HPSE2: variants seen among roughly 807,000 people sequenced by gnomAD.
HPSE2 encodes the protein inactive heparanase-2.
Under a neutral mutation model 60.5 loss-of-function variants are expected in HPSE2, and 38 were observed. The ratio of observed to expected loss-of-function variants is 0.63; its 90% CI spans 0.48 to 0.82. The LOEUF (loss-of-function observed/expected upper bound fraction) is 0.82, where lower values mean the gene tolerates loss of function less well. Ranked by LOEUF, HPSE2 falls within the 40% of genes least tolerant of loss-of-function variation. The pLI is 0.00. For missense variants in HPSE2, 713 were observed against 740.4 expected, an observed-to-expected ratio of 0.96 and a Z score of 0.43; for synonymous variants, 295 against 293.2, an observed-to-expected ratio of 1.01 and a Z score of -0.06.
intron 6 of HPSE2, among the ~76,000 whole-genome samples, chr10:98,673,435 C>T (rs1003617689): frequency 7.2e-5 from 11 of 152,198 alleles, no homozygotes; most frequent in African/African-American, 2.4e-4. Context: ...CATGGTCTGC[C>T]TTTCCCCATT....
rs190993891 is a variant in HPSE2 at position 98,948,441 on chromosome 10, C to A, written c.610+195797G>T. On this transcript the variant is annotated intron_variant, in intron 3 of 11. Transcript: ENST00000370552. ...AACCAATGCCAGATGATGAGAAAGA[C>A]GAAGGGGAAGAAGCAATGCCAGAAA... Among the ~76,000 whole-genome samples, 10 of 152,134 alleles carry A rather than the reference C, an allele frequency of 6.6e-5. 1 individual carries two copies. In the East Asian group the frequency reaches 1.9e-3, roughly 29 times the overall value.
intron 4 of HPSE2, among the ~76,000 whole-genome samples, chr10:98,734,888 TACACACAC>T (rs140139802): frequency 2.7e-5 from 4 of 148,230 alleles, no homozygotes; most frequent in African/African-American, 5.0e-5. Context: ...ATTTGTCCCT[TACACACAC>T]ACACACACAC....
At chr10:98,543,172 T>G (rs1241933273) in intron 9 of HPSE2, among the ~76,000 whole-genome samples, 1 of 152,132 alleles carries the variant, frequency 6.6e-6, no homozygotes, top group Non-Finnish European at 1.5e-5. Context: ...GGGGCCAATA[T>G]TCAACATTCT....
At chr10:99,135,636 C>A (rs1181843166) in intron 3 of HPSE2, among the ~76,000 whole-genome samples, 1 of 152,226 alleles carries the variant, frequency 6.6e-6, no homozygotes, top group Non-Finnish European at 1.5e-5. Context: ...GAAGTAAAGA[C>A]ATTCTTTGAA....
chr10:98,464,231 T>C (rs954326326), intron 11 of HPSE2, among the ~76,000 whole-genome samples: 1 of 152,228 alleles, frequency 6.6e-6, no homozygotes, highest in Non-Finnish European at 1.5e-5. Flanking sequence ...TAGATTTTTT[T>C]TGGGGGAGGG....
intron 3 of HPSE2, among the ~76,000 whole-genome samples, chr10:98,960,313 C>A (rs986947818): frequency 2.0e-5 from 3 of 152,152 alleles, no homozygotes; most frequent in African/African-American, 7.2e-5. Context: ...ACAGGCAATA[C>A]TACCTAGATA....
chr10:98,738,820 C>CAACT (rs1949422281), intron 4 of HPSE2, among the ~76,000 whole-genome samples: 1 of 152,142 alleles, frequency 6.6e-6, no homozygotes, highest in South Asian at 2.1e-4. Flanking sequence ...AGTCAGAGAA[C>CAACT]AACTGATGCT....
chr10:99,137,822 T>C lies in HPSE2; in HGVS notation c.610+6416A>G, dbSNP rs937710387. 2.0e-5 allele frequency among the ~76,000 whole-genome samples: 3 copies of C among 152,182 alleles called. No individual in the cohort carries two copies. The East Asian group carries it at 5.8e-4, about 29-fold the overall frequency. On this transcript the variant is annotated intron_variant, in intron 3 of 11. Transcript: ENST00000370552. Reference sequence around the variant, plus strand: ...AACCTGGGCAATACCATTCAGGACGTAGGCATGGGCAAAGACTTCATGTCT... The same window carrying C: ...AACCTGGGCAATACCATTCAGGACGCAGGCATGGGCAAAGACTTCATGTCT...
chr10:98,776,531 C>T (rs558344245), intron 3 of HPSE2, among the ~76,000 whole-genome samples: 54 of 152,158 alleles, frequency 3.5e-4, no homozygotes, highest in African/African-American at 1.3e-3. Context: ...CATATTTAAA[C>T]AGAATCTAAC....
intron 2 of HPSE2, among the ~76,000 whole-genome samples, chr10:99,179,546 A>G (rs1564872641): frequency 6.6e-6 from 1 of 152,188 alleles, no homozygotes; most frequent in Non-Finnish European, 1.5e-5. Context: ...TAGGAATCCA[A>G]CTTACAAGGG....
intron 3 of HPSE2, among the ~76,000 whole-genome samples, chr10:99,018,464 C>A (rs10509728): frequency 0.49 from 75,103 of 152,124 alleles, 20,261 homozygotes; most frequent in East Asian, 0.62. Flanking sequence ...TGTTGGACAA[C>A]CTTTGGCTAA....
intron 5 of HPSE2, among the ~76,000 whole-genome samples, chr10:98,719,831 T>C (rs756777872): frequency 6.6e-6 from 1 of 151,138 alleles, no homozygotes; most frequent in Non-Finnish European, 1.5e-5. Context: ...CGAAACCCCA[T>C]CTCTACTGAA....
At chr10:99,251,381 C>T in the HPSE2 span, among the ~76,000 whole-genome samples, 1 of 152,102 alleles carries the variant, frequency 6.6e-6, no homozygotes, top group Non-Finnish European at 1.5e-5. Flanking sequence ...AAGTCCCAGA[C>T]CAGAAAGATT....
At chr10:98,585,974 C>A (rs1204641681) in intron 9 of HPSE2, among the ~76,000 whole-genome samples, 2 of 146,978 alleles carry the variant, frequency 1.4e-5, no homozygotes, top group East Asian at 4.0e-4. Context: ...AAAAAAAAGT[C>A]CTTAATCTCT....
At chr10:99,223,205 C>T (rs895794854) in intron 2 of HPSE2, among the ~76,000 whole-genome samples, 2 of 152,100 alleles carry the variant, frequency 1.3e-5, no homozygotes, top group African/African-American at 4.8e-5. Context: ...CTTGGTTTCC[C>T]CATCTGTCAA....
intron 3 of HPSE2, among the ~76,000 whole-genome samples, chr10:98,954,133 A>G (rs1477653098): frequency 6.6e-6 from 1 of 152,020 alleles, no homozygotes; most frequent in Non-Finnish European, 1.5e-5. Context: ...GTAAAACCCC[A>G]TTTCTACTTA....
At chr10:99,195,213 T>C (rs1848352772) in intron 2 of HPSE2, among the ~76,000 whole-genome samples, 2 of 152,068 alleles carry the variant, frequency 1.3e-5, no homozygotes, top group Admixed American at 1.3e-4. Flanking sequence ...ACTAGGTATA[T>C]AAGGAATATG....
chr10:99,027,229 G>A (rs1187585468), intron 3 of HPSE2, among the ~76,000 whole-genome samples: 1 of 148,504 alleles, frequency 6.7e-6, no homozygotes, highest in Non-Finnish European at 1.5e-5. Flanking sequence ...TAGTCAGACT[G>A]ACAAAAAAGG....
chr10:99,060,086 A>G (rs1958201831), intron 3 of HPSE2, among the ~76,000 whole-genome samples: 1 of 151,932 alleles, frequency 6.6e-6, no homozygotes, highest in Admixed American at 6.6e-5. Context: ...ATATAAAAGA[A>G]TAATTATTCA....
Sources: gnomAD v4.1 joint callset for allele counts (sites outside exome capture counted in the v4.1 genomes callset) on GRCh38, gnomAD v4.1.1 for gene constraint, MANE v1.5 for transcripts, NCBI Gene and HGNC (gene_info 2026-07-23, HGNC 2026-07-21) for gene names.